GRM7: variants seen among roughly 807,000 people sequenced by gnomAD.
GRM7 encodes glutamate metabotropic receptor 7.
In GRM7, 35 loss-of-function variants were observed where a neutral mutation model predicts 84.5. The observed-to-expected ratio is 0.41, with a 90% CI of 0.32 to 0.55. GRM7 has a LOEUF of 0.55. GRM7 is among the 20% of genes least tolerant of loss of function. GRM7 has a pLI of 0.19. For synonymous variants in GRM7, 487 were observed against 455.1 expected, an observed-to-expected ratio of 1.07 and a Z score of -0.89; for missense variants, 1,003 against 1,194.6, an observed-to-expected ratio of 0.84 and a Z score of 2.36.
intron 1 of GRM7, among the ~76,000 whole-genome samples, chr3:6,927,017 G>A (rs75629122): frequency 0.03 from 4,629 of 152,140 alleles, 238 homozygotes; most frequent in African/African-American, 0.11. Flanking sequence ...TCTTTCACTC[G>A]CACTGTGTTA....
At chr3:6,869,629 A>T (rs1159020558) in intron 1 of GRM7, among the ~76,000 whole-genome samples, 1 of 151,976 alleles carries the variant, frequency 6.6e-6, no homozygotes, top group Non-Finnish European at 1.5e-5. Context: ...AAAGAGCAAA[A>T]GAGAGAACAG....
chr3:7,295,282 G>A (rs921653547), intron 2 of GRM7, among the ~76,000 whole-genome samples: 3 of 152,078 alleles, frequency 2.0e-5, no homozygotes, highest in South Asian at 2.1e-4. Context: ...TTGCATGTTA[G>A]CCAACAATCA....
At chr3:7,302,226 A>T (rs1169245180) in intron 3 of GRM7, among the ~76,000 whole-genome samples, 1 of 152,194 alleles carries the variant, frequency 6.6e-6, no homozygotes, top group Non-Finnish European at 1.5e-5. Context: ...TCCAGCACTC[A>T]GAGATAACTG....
chr3:7,202,049 T>C (rs957739967), intron 2 of GRM7, among the ~76,000 whole-genome samples: 1 of 152,132 alleles, frequency 6.6e-6, no homozygotes, highest in Admixed American at 6.5e-5. Flanking sequence ...TTTATCCTTC[T>C]ATTAGGATCT....
intron 4 of GRM7, among the ~76,000 whole-genome samples, chr3:7,398,503 G>A (rs1055328912): frequency 6.6e-6 from 1 of 152,060 alleles, no homozygotes; most frequent in Admixed American, 6.6e-5. Context: ...GATATGGCAA[G>A]TTTCTTGTAC....
intron 5 of GRM7, among the ~76,000 whole-genome samples, chr3:7,439,736 T>G (rs1246104191): frequency 6.6e-6 from 1 of 152,206 alleles, no homozygotes; most frequent in Non-Finnish European, 1.5e-5. Context: ...AAAATACTTC[T>G]GCTTAATAGA....
At chr3:6,994,376 G>A (rs906487536) in intron 1 of GRM7, among the ~76,000 whole-genome samples, 4 of 152,152 alleles carry the variant, frequency 2.6e-5, no homozygotes, top group Non-Finnish European at 5.9e-5. Context: ...AGCTGGGAGA[G>A]GGGAAACAAT....
At chr3:7,196,169 C>A (rs1695872291) in intron 2 of GRM7, among the ~76,000 whole-genome samples, 1 of 151,976 alleles carries the variant, frequency 6.6e-6, no homozygotes, top group South Asian at 2.1e-4. Context: ...TGTTGCAGTT[C>A]AAATCTGGAA....
At chr3:7,686,889 T>C (rs1700606660) in intron 9 of GRM7, among the ~76,000 whole-genome samples, 1 of 152,226 alleles carries the variant, frequency 6.6e-6, no homozygotes, top group South Asian at 2.1e-4. Context: ...CTAATTTATT[T>C]TTAGTAAATA....
At chr3:7,643,884 C>G (rs151176461) in intron 8 of GRM7, among the ~76,000 whole-genome samples, 39 of 152,046 alleles carry the variant, frequency 2.6e-4, no homozygotes, top group African/African-American at 9.4e-4. Context: ...CTTAACATGT[C>G]TTTTGTATGT....
At chr3:7,375,497 C>T (rs541050224) in intron 4 of GRM7, among the ~76,000 whole-genome samples, 70 of 152,222 alleles carry the variant, frequency 4.6e-4, no homozygotes, top group Middle Eastern at 3.4e-3. Flanking sequence ...GGATTACAGG[C>T]GTGAGCCACC....
At chr3:7,217,045 T>C (rs370539586) in intron 2 of GRM7, among the ~76,000 whole-genome samples, 44 of 152,304 alleles carry the variant, frequency 2.9e-4, no homozygotes, top group African/African-American at 1.0e-3. Context: ...CTGGCATACC[T>C]TGAAGGTAGT....
intron 7 of GRM7, among the ~76,000 whole-genome samples, chr3:7,550,859 A>G (rs1693433692): frequency 6.6e-6 from 1 of 151,954 alleles, no homozygotes; most frequent in African/African-American, 2.4e-5. Flanking sequence ...TTCAGTCTCA[A>G]TTGACTTAAT....
chr3:7,481,386 C>T (rs913987919), intron 7 of GRM7, among the ~76,000 whole-genome samples: 2 of 152,138 alleles, frequency 1.3e-5, no homozygotes, highest in African/African-American at 4.8e-5. Flanking sequence ...AAACACTGCA[C>T]CTGGCCAATA....
intron 4 of GRM7, among the ~76,000 whole-genome samples, chr3:7,408,987 C>A (rs1273202902): frequency 6.6e-6 from 1 of 152,176 alleles, no homozygotes; most frequent in Non-Finnish European, 1.5e-5. Context: ...ATTTGAAATA[C>A]TACCTTTATT....
At chr3:7,682,014 A>G (rs1700387147) in intron 9 of GRM7, 1 of 152,082 alleles carries the variant, frequency 6.6e-6, no homozygotes, top group South Asian at 2.1e-4. Context: ...ATTAAACACC[A>G]CAGGGTAGAT....
intron 2 of GRM7, among the ~76,000 whole-genome samples, chr3:7,205,366 C>A (rs1471584627): frequency 6.6e-6 from 1 of 152,094 alleles, no homozygotes; most frequent in Non-Finnish European, 1.5e-5. Context: ...TTAGGTGGGA[C>A]CATGAAATTG....
chr3:6,976,625 T>C (rs1185002894), intron 1 of GRM7, among the ~76,000 whole-genome samples: 1 of 152,208 alleles, frequency 6.6e-6, no homozygotes, highest in Non-Finnish European at 1.5e-5. Context: ...TATTATGCAG[T>C]TGGCCATAGG....
chr3:7,293,343 C>T (rs183540894), intron 2 of GRM7, among the ~76,000 whole-genome samples: 1 of 152,118 alleles, frequency 6.6e-6, no homozygotes, highest in Non-Finnish European at 1.5e-5. Flanking sequence ...GTTTTCAGCT[C>T]TAAATCAAGA....
Sources: allele counts gnomAD v4.1 joint callset (sites outside exome capture counted in the v4.1 genomes callset), GRCh38; gene constraint gnomAD v4.1.1; transcripts MANE v1.5; gene names NCBI Gene and HGNC (gene_info 2026-07-23, HGNC 2026-07-21).